The following TFDP2 variants were observed in gnomAD, a reference collection of about 807,000 sequenced individuals.
TFDP2 encodes the protein transcription factor Dp-2 (E2F dimerization partner 2).
Under a neutral mutation model 59.3 loss-of-function variants are expected in TFDP2, and 17 were observed. The ratio of observed to expected loss-of-function variants is 0.29; its 90% CI spans 0.20 to 0.43. The LOEUF (loss-of-function observed/expected upper bound fraction) is 0.43, where lower values mean the gene tolerates loss of function less well. TFDP2 is among the 20% of genes least tolerant of loss of function. The pLI, the probability that TFDP2 is intolerant of heterozygous loss-of-function variation, is 1.00. For synonymous variants in TFDP2, 180 were observed against 194.7 expected, an observed-to-expected ratio of 0.92 and a Z score of 0.63; for missense variants, 391 against 528.8, an observed-to-expected ratio of 0.74 and a Z score of 2.56.
intron 6 of TFDP2, among the ~76,000 whole-genome samples, chr3:141,992,077 A>AGAAG (rs33991863): frequency 0.17 from 24,646 of 145,704 alleles, 2,656 homozygotes; most frequent in Non-Finnish European, 0.25. Context: ...AAAGAAAGAA[A>AGAAG]GAAGGAAGGA....
chr3:142,052,162 TA>T (rs1947662779), intron 3 of TFDP2, among the ~76,000 whole-genome samples: 1 of 152,090 alleles, frequency 6.6e-6, no homozygotes. Flanking sequence ...ATTTAAGAGC[TA>T]AAATTAGAAA....
chr3:142,102,078 T>G (rs1390924497), intron 1 of TFDP2, among the ~76,000 whole-genome samples: 1 of 152,204 alleles, frequency 6.6e-6, no homozygotes, highest in Non-Finnish European at 1.5e-5. Context: ...GCCTGGGCTT[T>G]GAAATGGTAT....
chr3:142,120,836 G>T (rs538350349), intron 1 of TFDP2, among the ~76,000 whole-genome samples: 80 of 152,132 alleles, frequency 5.3e-4, no homozygotes, highest in Non-Finnish European at 9.4e-4. Context: ...ATAACCCCAT[G>T]GCACTATTCA....
chr3:142,008,718 C>T (rs527491132), intron 3 of TFDP2, among the ~76,000 whole-genome samples: 70 of 152,010 alleles, frequency 4.6e-4, no homozygotes, highest in Non-Finnish European at 7.5e-4. Context: ...TATATACATA[C>T]GCATATAAAG....
At chr3:141,973,123 A>ATATATTTT in intron 8 of TFDP2, among the ~76,000 whole-genome samples, 44 of 58,014 alleles carry the variant, frequency 7.6e-4, no homozygotes, top group African/African-American at 1.3e-3. Context: ...ATATATATAT[A>ATATATTTT]TTTTTTTTTT....
At chr3:141,978,182 T>G (rs989798363) in intron 7 of TFDP2, among the ~76,000 whole-genome samples, 5 of 151,218 alleles carry the variant, frequency 3.3e-5, no homozygotes, top group Admixed American at 1.3e-4. Flanking sequence ...CTGTCTCTAC[T>G]AAAAATACAA....
At chr3:142,022,534 A>G (rs1363860208) in intron 3 of TFDP2, among the ~76,000 whole-genome samples, 1 of 152,184 alleles carries the variant, frequency 6.6e-6, no homozygotes, top group Non-Finnish European at 1.5e-5. Context: ...CACTGTTTAC[A>G]GGCCTAGTAA....
At chr3:142,115,413 G>T (rs1231348274) in intron 1 of TFDP2, among the ~76,000 whole-genome samples, 1 of 151,388 alleles carries the variant, frequency 6.6e-6, no homozygotes, top group Admixed American at 6.6e-5. Flanking sequence ...CCACCTCCCG[G>T]ATTCACGCCA....
At chr3:141,953,138 T>C in intron 11 of TFDP2, 122 bp from the exon 12 acceptor site, 2 of 615,082 alleles carry the variant, frequency 3.3e-6, no homozygotes, top group Non-Finnish European at 5.5e-6. Flanking sequence ...AGCTAGACAA[T>C]TCTCTTGCTG....
intron 3 of TFDP2, among the ~76,000 whole-genome samples, chr3:142,065,792 A>G (rs1576886890): frequency 6.6e-6 from 1 of 152,084 alleles, no homozygotes; most frequent in East Asian, 1.9e-4. Flanking sequence ...GGATTTGGAC[A>G]CCTGCCAAAG....
intron 4 of TFDP2, among the ~76,000 whole-genome samples, chr3:142,001,513 T>C (rs1560008792): frequency 6.6e-6 from 1 of 152,214 alleles, no homozygotes; most frequent in Non-Finnish European, 1.5e-5. Context: ...ATTCTTCCAT[T>C]GTTTTGATGA....
intron 1 of TFDP2, among the ~76,000 whole-genome samples, chr3:142,116,791 C>T (rs2061865519): frequency 6.7e-6 from 1 of 149,384 alleles, no homozygotes; most frequent in African/African-American, 2.4e-5. Flanking sequence ...TAGCTGTATG[C>T]ATATAAGTTA....
chr3:141,999,860 T>C (rs978164622), intron 4 of TFDP2, among the ~76,000 whole-genome samples: 1 of 151,830 alleles, frequency 6.6e-6, no homozygotes, highest in Non-Finnish European at 1.5e-5. Flanking sequence ...CTCAGCCTCC[T>C]GAGTAGCTGG....
chr3:141,968,342 ATAAC>A (rs1938521119), intron 9 of TFDP2, among the ~76,000 whole-genome samples: 1 of 126,624 alleles, frequency 7.9e-6, no homozygotes, highest in African/African-American at 2.9e-5. Flanking sequence ...TATATAATAT[ATAAC>A]TATATATAAC....
At chr3:142,108,817 T>C (rs1018456393) in intron 1 of TFDP2, among the ~76,000 whole-genome samples, 3 of 152,224 alleles carry the variant, frequency 2.0e-5, no homozygotes, top group Non-Finnish European at 4.4e-5. Context: ...TCCAGTTCCA[T>C]TGGCTTCTGT....
At chr3:141,973,080 C>T (rs1276428314) in intron 8 of TFDP2, among the ~76,000 whole-genome samples, 1 of 137,898 alleles carries the variant, frequency 7.3e-6, no homozygotes, top group Non-Finnish European at 1.5e-5. Flanking sequence ...TTAATTATCT[C>T]CCAAAGCTAT....
intron 1 of TFDP2, among the ~76,000 whole-genome samples, chr3:142,134,121 C>G (rs2108735387): frequency 6.6e-6 from 1 of 151,644 alleles, no homozygotes; most frequent in African/African-American, 2.4e-5. Context: ...TGGAAGCACA[C>G]TGAAAGTGGG....
intron 3 of TFDP2, among the ~76,000 whole-genome samples, chr3:142,087,322 C>A (rs1301326455): frequency 6.6e-6 from 1 of 152,084 alleles, no homozygotes; most frequent in Admixed American, 6.5e-5. Context: ...GTACTGAATA[C>A]TGTAGGCAAC....
chr3:142,052,469 C>T (rs1163707846), intron 3 of TFDP2, among the ~76,000 whole-genome samples: 1 of 151,924 alleles, frequency 6.6e-6, no homozygotes, highest in Non-Finnish European at 1.5e-5. Flanking sequence ...GGCGTGAACC[C>T]AGGAGACGGA....
Sources: gnomAD v4.1 joint callset for allele counts (sites outside exome capture counted in the v4.1 genomes callset) on GRCh38, gnomAD v4.1.1 for gene constraint, MANE v1.5 for transcripts, NCBI Gene and HGNC (gene_info 2026-07-23, HGNC 2026-07-21) for gene names.